The following LEKR1 variants were observed in gnomAD, a reference collection of about 807,000 sequenced individuals.
LEKR1 encodes protein LEKR1.
Under a neutral mutation model 72.4 loss-of-function variants are expected in LEKR1, and 59 were observed. The observed-to-expected ratio is 0.82, with a 90% CI of 0.66 to 1.01. LEKR1 has a LOEUF of 1.01. Ranked by LOEUF, LEKR1 falls within the 50% of genes least tolerant of loss-of-function variation. The pLI is 0.00. For missense variants in LEKR1, 728 were observed against 759.2 expected, an observed-to-expected ratio of 0.96 and a Z score of 0.48; for synonymous variants, 257 against 263.2, an observed-to-expected ratio of 0.98 and a Z score of 0.23.
intron 6 of LEKR1, among the ~76,000 whole-genome samples, chr3:156,961,699 A>T (rs1391835036): frequency 2.0e-5 from 3 of 152,216 alleles, no homozygotes; most frequent in Non-Finnish European, 4.4e-5. Flanking sequence ...GCTGGGATCC[A>T]AACAGTTCTG....
chr3:156,981,492 A>G (rs377430795), intron 7 of LEKR1, among the ~76,000 whole-genome samples: 2 of 152,322 alleles, frequency 1.3e-5, no homozygotes, highest in East Asian at 1.9e-4. Context: ...CACGTACAAG[A>G]CCTTCTTAAC....
rs1019133585 is a variant in LEKR1 at position 157,011,595 on chromosome 3, T to C, written c.1203+89T>C. ...GTCAGAAGACTCTTCCGGATAGATT[T>C]ATTTGCTTCTATGCACACTTTAGAT... On this transcript the variant is annotated intron_variant, in intron 10 of 12. Transcript: ENST00000356539. The C allele has an allele frequency of 1.3e-5, 11 of 850,706 alleles. No homozygotes were observed. The East Asian group carries it at 2.9e-4, about 22-fold the overall frequency. The allele number at this position is 850,706 out of a possible 1,614,324, so 52.7% of individuals were successfully genotyped here. A position where few individuals can be genotyped will look rare whatever the true frequency, so the allele number is the denominator to read the frequency against.
intron 4 of LEKR1, among the ~76,000 whole-genome samples, chr3:156,926,018 G>A (rs961396109): frequency 3.9e-5 from 6 of 152,052 alleles, no homozygotes; most frequent in South Asian, 4.1e-4. Context: ...GAAGCAAATC[G>A]TAATAACTTT....
chr3:156,996,013 T>G (rs1304663662), intron 9 of LEKR1, among the ~76,000 whole-genome samples: 1 of 152,056 alleles, frequency 6.6e-6, no homozygotes, highest in Non-Finnish European at 1.5e-5. Flanking sequence ...AATAAATATT[T>G]GTTGCATGAG....
In LEKR1 at chr3:156,987,906, C is replaced by T. The variant is rs183070114; in HGVS notation, c.828-4747C>T. ...GCAATCTTCAAGCAATTAAAAACAACGAATTGTTGAACCAATCTGGGAGAT... is the reference window on the plus strand; with the variant it reads ...GCAATCTTCAAGCAATTAAAAACAATGAATTGTTGAACCAATCTGGGAGAT... On this transcript the variant is annotated intron_variant, in intron 7 of 12. Coordinates refer to ENST00000356539, the MANE Select transcript of LEKR1 (RefSeq NM_001004316.3). 1.6e-4 allele frequency among the ~76,000 whole-genome samples: 24 copies of T among 152,244 alleles called. No homozygotes were observed. In the East Asian group the frequency reaches 2.9e-3, roughly 18 times the overall value.
intron 4 of LEKR1, 135 bp downstream of exon 4, chr3:156,920,829 T>G: frequency 1.9e-6 from 1 of 522,018 alleles, no homozygotes; most frequent in Admixed American, 4.2e-5. Context: ...GCATTAGGTT[T>G]TCTTTTTTCT....
Position 157,028,160 on chromosome 3 carries a change from A to G in LEKR1, c.1426A>G (p.Lys476Glu). 1.2e-6 allele frequency: 2 copies of G among 1,610,856 alleles called. No individual in the cohort carries two copies. Among genetic ancestry groups the G allele is most frequent in the South Asian group, 1.1e-5 (1 of 90,452 alleles). ...TCTAAGGCAGGAAGTGACCACTCTTAAAGAAAAACTTCACAAATCCCATAT... is the reference window on the plus strand; with the variant it reads ...TCTAAGGCAGGAAGTGACCACTCTTGAAGAAAAACTTCACAAATCCCATAT... Reference protein sequence around the residue: ...RDLRQEVTTLKEKLHKSHIRY... With the variant: ...RDLRQEVTTLEEKLHKSHIRY... Residue 476 changes from lysine (K) to glutamate (E), a missense_variant, in exon 12 of 13, where the codon AAA (lysine) becomes GAA (glutamate). Coordinates refer to ENST00000356539, the MANE Select transcript of LEKR1 (RefSeq NM_001004316.3).
At chr3:156,855,045 G>A (rs1270326057) in intron 3 of LEKR1, among the ~76,000 whole-genome samples, 1 of 152,010 alleles carries the variant, frequency 6.6e-6, no homozygotes, top group Non-Finnish European at 1.5e-5. Flanking sequence ...CCAAGAATAT[G>A]CTATAATTTA....
At chr3:156,910,407 T>C (rs1722993220) in intron 3 of LEKR1, among the ~76,000 whole-genome samples, 1 of 152,138 alleles carries the variant, frequency 6.6e-6, no homozygotes, top group South Asian at 2.1e-4. Context: ...TTAATTTGCT[T>C]AGGATAATGG....
At chr3:157,044,453 C>A (rs560319272) in intron 12 of LEKR1, among the ~76,000 whole-genome samples, 2 of 152,292 alleles carry the variant, frequency 1.3e-5, no homozygotes, top group Admixed American at 6.5e-5. Context: ...TATCTCTAGT[C>A]CAGTCACACA....
chr3:156,937,749 C>T (rs913612245), intron 5 of LEKR1, among the ~76,000 whole-genome samples: 12 of 152,066 alleles, frequency 7.9e-5, no homozygotes, highest in African/African-American at 2.9e-4. Context: ...CATAATAGCC[C>T]CAAATTGGAA....
At chr3:156,832,626 G>A (rs62273907) in intron 2 of LEKR1, among the ~76,000 whole-genome samples, 4,753 of 152,306 alleles carry the variant, frequency 0.031, 110 homozygotes, top group Non-Finnish European at 0.047. Flanking sequence ...GCCCAGCCAA[G>A]GATTCATCTG....
intron 2 of LEKR1, among the ~76,000 whole-genome samples, chr3:156,846,134 G>A (rs1192778115): frequency 6.6e-6 from 1 of 152,010 alleles, no homozygotes; most frequent in Non-Finnish European, 1.5e-5. Context: ...TGCTCACTGG[G>A]TATATATATA....
intron 9 of LEKR1, among the ~76,000 whole-genome samples, chr3:157,006,593 T>C (rs1460008371): frequency 6.6e-6 from 1 of 152,202 alleles, no homozygotes. Flanking sequence ...CCAAAATATA[T>C]ACAACAACCT....
chr3:156,961,234 T>G (rs1398867724), intron 6 of LEKR1, among the ~76,000 whole-genome samples: 1 of 152,226 alleles, frequency 6.6e-6, no homozygotes, highest in Non-Finnish European at 1.5e-5. Context: ...CATATAACAT[T>G]TTAACATCCT....
At chr3:156,860,148 T>C (rs1716602811) in intron 3 of LEKR1, among the ~76,000 whole-genome samples, 1 of 152,164 alleles carries the variant, frequency 6.6e-6, no homozygotes, top group Non-Finnish European at 1.5e-5. Flanking sequence ...CTGGGAACAA[T>C]GGGACTACTC....
intron 3 of LEKR1, among the ~76,000 whole-genome samples, chr3:156,899,639 TATATACACATATATACAC>T (rs1280005044): frequency 7.7e-6 from 1 of 130,238 alleles, no homozygotes; most frequent in South Asian, 2.2e-4. Context: ...TATACACGCA[TATATACACATATATACAC>T]GCATATATAC....
chr3:156,942,196 AG>A (rs887316983), intron 5 of LEKR1, among the ~76,000 whole-genome samples: 6 of 152,060 alleles, frequency 3.9e-5, no homozygotes, highest in African/African-American at 1.4e-4. Flanking sequence ...CTTAAAAAAA[AG>A]ATCATTTCAA....
intron 10 of LEKR1, among the ~76,000 whole-genome samples, chr3:157,013,066 G>T (rs373215393): frequency 1.3e-5 from 2 of 151,988 alleles, no homozygotes; most frequent in African/African-American, 2.4e-5. Flanking sequence ...TAAGGGACTA[G>T]AAATTAAAGT....
Sources: gnomAD v4.1 joint callset for allele counts (sites outside exome capture counted in the v4.1 genomes callset) on GRCh38, gnomAD v4.1.1 for gene constraint, MANE v1.5 for transcripts, NCBI Gene and HGNC (gene_info 2026-07-23, HGNC 2026-07-21) for gene names.